The following DAB1 variants were observed in gnomAD, a reference collection of about 807,000 sequenced individuals.
DAB1 encodes DAB adaptor protein 1, also known as disabled homolog 1.
DAB1 carries 15 observed loss-of-function variants against 64.6 expected under a neutral mutation model. The observed-to-expected ratio is 0.23, with a 90% CI of 0.16 to 0.36. The LOEUF (loss-of-function observed/expected upper bound fraction) is 0.36, where lower values mean the gene tolerates loss of function less well. Ranked by LOEUF, DAB1 falls within the 10% of genes least tolerant of loss-of-function variation. The probability of loss-of-function intolerance (pLI) is 1.00; values close to 1 mark genes in which losing one functional copy is unlikely to be tolerated. For missense variants in DAB1, 596 were observed against 706.7 expected, an observed-to-expected ratio of 0.84 and a Z score of 1.78; for synonymous variants, 235 against 251.9, an observed-to-expected ratio of 0.93 and a Z score of 0.64.
At chr1:58,524,375 C>T (rs1209940296) in intron 2 of DAB1, among the ~76,000 whole-genome samples, 1 of 152,178 alleles carries the variant, frequency 6.6e-6, no homozygotes, top group Admixed American at 6.5e-5. Flanking sequence ...ACTATCAAAC[C>T]ATCCTTCGCT....
chr1:58,165,077 T>C (rs2100755744), intron 4 of DAB1, among the ~76,000 whole-genome samples: 1 of 152,288 alleles, frequency 6.6e-6, no homozygotes, highest in African/African-American at 2.4e-5. Flanking sequence ...GATTAACAAA[T>C]GCTCCTTTTG....
At chr1:57,754,861 A>G (rs1648728140) in intron 6 of DAB1, among the ~76,000 whole-genome samples, 1 of 152,160 alleles carries the variant, frequency 6.6e-6, no homozygotes, top group Non-Finnish European at 1.5e-5. Context: ...GCTCCAGCCT[A>G]CAATATCAAA....
chr1:57,782,240 GAATAAAATC>G (rs375505096), intron 6 of DAB1, among the ~76,000 whole-genome samples: 1 of 152,180 alleles, frequency 6.6e-6, no homozygotes, highest in East Asian at 1.9e-4. Context: ...TAAAACTAGA[GAATAAAATC>G]CAAATCATTA....
intron 7 of DAB1, among the ~76,000 whole-genome samples, chr1:57,531,168 C>T (rs1644659075): frequency 6.6e-6 from 1 of 152,152 alleles, no homozygotes; most frequent in Admixed American, 6.5e-5. Context: ...CCGGTTCCTG[C>T]CTTAACTGAT....
intron 1 of DAB1, among the ~76,000 whole-genome samples, chr1:57,322,758 C>T (rs1455161432): frequency 2.0e-5 from 3 of 152,170 alleles, no homozygotes; most frequent in African/African-American, 7.2e-5. Context: ...CAGTACCACA[C>T]AATAAGCGTG....
At chr1:58,460,436 C>T (rs892249775) in intron 3 of DAB1, among the ~76,000 whole-genome samples, 7 of 152,264 alleles carry the variant, frequency 4.6e-5, no homozygotes, top group East Asian at 3.9e-4. Flanking sequence ...AACACTTCTA[C>T]GGAGAAACAT....
chr1:57,020,958 A>G (rs1402402607), intron 11 of DAB1, among the ~76,000 whole-genome samples: 1 of 152,162 alleles, frequency 6.6e-6, no homozygotes, highest in Non-Finnish European at 1.5e-5. Context: ...CCGTTGTATC[A>G]CATACTCCAG....
intron 14 of DAB1, among the ~76,000 whole-genome samples, chr1:57,003,281 AC>A (rs1308786518): frequency 6.6e-6 from 1 of 152,208 alleles, no homozygotes; most frequent in African/African-American, 2.4e-5. Flanking sequence ...AAGTGGACTC[AC>A]AGAACTGGAG....
At chr1:57,439,258 A>G (rs1425826175) in intron 7 of DAB1, among the ~76,000 whole-genome samples, 1 of 152,084 alleles carries the variant, frequency 6.6e-6, no homozygotes, top group Non-Finnish European at 1.5e-5. Flanking sequence ...CAGAGAAACC[A>G]AAAGAAATCA....
chr1:58,443,541 T>C (rs1645034921), intron 3 of DAB1, among the ~76,000 whole-genome samples: 1 of 152,158 alleles, frequency 6.6e-6, no homozygotes, highest in African/African-American at 2.4e-5. Flanking sequence ...AAAGTCTGGA[T>C]TTTAGTTAAT....
intron 4 of DAB1, among the ~76,000 whole-genome samples, chr1:58,311,794 ACTT>A (rs527891821): frequency 9.1e-4 from 138 of 152,018 alleles, no homozygotes; most frequent in Non-Finnish European, 1.3e-3. Context: ...AGTCTCTTGC[ACTT>A]CTAACTCTGT....
chr1:58,194,663 G>A (rs1657571399), intron 4 of DAB1, among the ~76,000 whole-genome samples: 1 of 152,174 alleles, frequency 6.6e-6, no homozygotes, highest in South Asian at 2.1e-4. Context: ...CCCTTTCTGT[G>A]CTAAATGGCA....
chr1:57,754,076 C>A (rs778700803), intron 6 of DAB1, among the ~76,000 whole-genome samples: 3 of 152,146 alleles, frequency 2.0e-5, no homozygotes, highest in Non-Finnish European at 4.4e-5. Flanking sequence ...CTTATCTCAT[C>A]CTCTTCTGAG....
At chr1:57,175,842 C>T (rs1195750206) in intron 2 of DAB1, among the ~76,000 whole-genome samples, 1 of 152,110 alleles carries the variant, frequency 6.6e-6, no homozygotes, top group African/African-American at 2.4e-5. Flanking sequence ...CCCAGTAAAG[C>T]CACATTTTCA....
At chr1:58,211,281 A>T (rs1243705741) in intron 4 of DAB1, among the ~76,000 whole-genome samples, 2 of 152,174 alleles carry the variant, frequency 1.3e-5, no homozygotes, top group Admixed American at 1.3e-4. Context: ...CTAGTTGCTT[A>T]AAAAATCACA....
chr1:58,009,713 A>C (rs1646640063), intron 5 of DAB1, among the ~76,000 whole-genome samples: 1 of 152,190 alleles, frequency 6.6e-6, no homozygotes, highest in Non-Finnish European at 1.5e-5. Flanking sequence ...TGTTCTACTT[A>C]TCTCTGACAC....
intron 7 of DAB1, among the ~76,000 whole-genome samples, chr1:57,631,694 T>G (rs907121160): frequency 2.0e-5 from 3 of 152,236 alleles, no homozygotes; most frequent in African/African-American, 7.2e-5. Flanking sequence ...AAAATACTGA[T>G]AGTATGTAAA....
chr1:58,097,330 T>C (rs1651047103), intron 5 of DAB1, among the ~76,000 whole-genome samples: 1 of 152,224 alleles, frequency 6.6e-6, no homozygotes, highest in Admixed American at 6.5e-5. Flanking sequence ...CTGTACTGAC[T>C]GTTACAAGAA....
At position 57,171,670 on chromosome 1, in the gene DAB1, A is replaced by G. The variant is rs7556288; in HGVS notation, c.68-26241T>C. Among the ~76,000 whole-genome samples the G allele has an allele frequency of 6.0e-3, 920 of 152,268 alleles. 11 individuals carry two copies. The highest frequency in any genetic ancestry group is 0.021 in the African/African-American group (880 of 41,568). On this transcript the variant is annotated intron_variant, in intron 2 of 14. Transcript: ENST00000371236. Reference sequence around the variant, plus strand: ...AGAGGATTAAAAAAATACATATTACATATCATAGGAAAACAGGACAGCTCT... The same window carrying G: ...AGAGGATTAAAAAAATACATATTACGTATCATAGGAAAACAGGACAGCTCT...
Sources: gnomAD v4.1 joint callset for allele counts (sites outside exome capture counted in the v4.1 genomes callset) on GRCh38, gnomAD v4.1.1 for gene constraint, MANE v1.5 for transcripts, NCBI Gene and HGNC (gene_info 2026-07-23, HGNC 2026-07-21) for gene names.